MCM2: variants seen among roughly 807,000 people sequenced by gnomAD.
MCM2 encodes the protein DNA replication licensing factor MCM2.
A neutral mutation model predicts 86.4 loss-of-function variants in MCM2; 49 were observed. The ratio of observed to expected loss-of-function variants is 0.57; its 90% CI spans 0.45 to 0.72. MCM2 has a LOEUF of 0.72. MCM2 is among the 30% of genes least tolerant of loss of function. The pLI is 0.00. For synonymous variants in MCM2, 475 were observed against 484.6 expected, an observed-to-expected ratio of 0.98 and a Z score of 0.26; for missense variants, 1,038 against 1,259.9, an observed-to-expected ratio of 0.82 and a Z score of 2.67.
rs2074446103 is a variant in MCM2 at position 127,617,960 on chromosome 3, G to C, written c.1901-9G>C. The C allele has an allele frequency of 6.2e-7, 1 of 1,609,966 alleles. No individual in the cohort carries two copies. Among genetic ancestry groups the C allele is most frequent in the African/African-American group, 1.3e-5 (1 of 74,954 alleles). ...TCCACCCTGATGGAGGTGCTCCCCT[G>C]TGTTTCAGGAGGGCGCTACGACCCC... On this transcript the variant is annotated splice_polypyrimidine_tract_variant and intron_variant, in intron 11 of 15. Coordinates refer to ENST00000265056, the MANE Select transcript of MCM2 (RefSeq NM_004526.4). The surrounding 1 kb of genome is among the most constrained non-coding windows in gnomAD (Gnocchi z 4.1).
intron 8 of MCM2, among the ~76,000 whole-genome samples, chr3:127,614,770 A>G (rs764577968): frequency 6.6e-6 from 1 of 152,188 alleles, no homozygotes; most frequent in Non-Finnish European, 1.5e-5. Flanking sequence ...TGTCATCCCT[A>G]CAATGCTCAA....
rs760296226 is a variant in MCM2 at position 127,599,477 on chromosome 3, C to T, written c.166C>T (p.Leu56Phe). 1 of 1,614,192 alleles carries T rather than the reference C, an allele frequency of 6.2e-7. No homozygotes were observed. Among genetic ancestry groups the T allele is most frequent in the South Asian group, 1.1e-5 (1 of 91,088 alleles). ...LPPFEDESEG[L>F]LGTEGPLEEE... ...ACCATTTGAGGATGAGTCCGAGGGG[C>T]TCCTAGGCACAGAGGGGCCCCTGGA... Residue 56 changes from leucine (L) to phenylalanine (F), a missense_variant, in exon 2 of 16, where the codon CTC becomes TTC. Physicochemically the swap from Leu to Phe is conservative, Grantham distance 22. Transcript: ENST00000265056.
intron 8 of MCM2, among the ~76,000 whole-genome samples, chr3:127,613,709 G>A (rs1178467842): frequency 6.6e-6 from 1 of 152,242 alleles, no homozygotes; most frequent in Admixed American, 6.5e-5. Flanking sequence ...AAACAGGTAT[G>A]TAGAATGGTG....
intron 2 of MCM2, among the ~76,000 whole-genome samples, chr3:127,603,320 TTTTG>T (rs968445399): frequency 5.9e-5 from 9 of 151,412 alleles, no homozygotes; most frequent in African/African-American, 1.9e-4. Flanking sequence ...TCTTAACCTT[TTTTG>T]TTTGTTTGTT....
At position 127,599,423 on chromosome 3, in the gene MCM2, CT is replaced by C. The variant is rs1559859642; in HGVS notation, c.113del (p.Leu38ProfsTer20). The C allele has an allele frequency of 6.2e-7, 1 of 1,614,176 alleles. No individual in the cohort carries two copies. Among genetic ancestry groups the C allele is most frequent in the Admixed American group, 1.7e-5 (1 of 60,026 alleles). ...CCGAAGCTCCCGGCGTACTGATGCC[CT>C]CACCTCCAGCCCTGGCCGTGACCTT... is the stretch of plus-strand genomic sequence containing the variant. The part of the protein sequence containing the change: ...PGRSSRRTDA[L>X]TSSPGRDLPP... On this transcript the variant is annotated frameshift_variant, in exon 2 of 16. Coordinates refer to ENST00000265056, the MANE Select transcript of MCM2 (RefSeq NM_004526.4). LOFTEE classifies it high-confidence loss of function.
At position 127,618,118 on chromosome 3, in the gene MCM2, G is replaced by A. The variant is rs774499332; in HGVS notation, c.2013+37G>A. Reference sequence around the variant, plus strand: ...ATGTGCCCGGTTTCCATGAACTGTGGTTTGGGGACCTCAGGTGAGGCTTGG... The same window carrying A: ...ATGTGCCCGGTTTCCATGAACTGTGATTTGGGGACCTCAGGTGAGGCTTGG... On this transcript the variant is annotated intron_variant, in intron 12 of 15. Coordinates refer to ENST00000265056, the MANE Select transcript of MCM2 (RefSeq NM_004526.4). The surrounding 1 kb of genome is among the most constrained non-coding windows in gnomAD (Gnocchi z 4.0). The A allele has an allele frequency of 5.8e-6, 9 of 1,563,124 alleles. No individual in the cohort carries two copies. In the Admixed American group the frequency reaches 1.5e-4, roughly 26 times the overall value.
At position 127,599,551 on chromosome 3, in the gene MCM2, A is replaced by G. The variant is rs2074291315; in HGVS notation, c.236+4A>G. 7 of 1,611,040 alleles carry G rather than the reference A, an allele frequency of 4.3e-6. No individual in the cohort carries two copies. In the South Asian group the frequency reaches 6.6e-5, roughly 15 times the overall value. On this transcript the variant is annotated splice_donor_region_variant and intron_variant, in intron 2 of 15. Coordinates refer to ENST00000265056, the MANE Select transcript of MCM2 (RefSeq NM_004526.4). Reference sequence around the variant, plus strand: ...TCATTGGAGATGGCATGGAAAGGTAATTTCATTCAAGGCCCTGGACTCAGC... The same window carrying G: ...TCATTGGAGATGGCATGGAAAGGTAGTTTCATTCAAGGCCCTGGACTCAGC...
rs1423389722 is a variant in MCM2 at position 127,621,956 on chromosome 3, C to T, written c.*183C>T. ...GTTTCTCCAAGCCTGCTTTGTGCTTCTCACCTTTGGGTGGGATGCCTTGCC... is the reference window on the plus strand; with the variant it reads ...GTTTCTCCAAGCCTGCTTTGTGCTTTTCACCTTTGGGTGGGATGCCTTGCC... On this transcript the variant is annotated 3_prime_UTR_variant, in exon 16 of 16. Coordinates refer to ENST00000265056, the MANE Select transcript of MCM2 (RefSeq NM_004526.4). The T allele has an allele frequency of 7.1e-6, 4 of 560,680 alleles. No homozygotes were observed. The highest frequency in any genetic ancestry group is 1.9e-5 in the African/African-American group (1 of 52,572). The allele number at this position is 560,680 out of a possible 1,614,324, so 34.7% of individuals were successfully genotyped here.
chr3:127,615,983 G>T (rs1186478256), intron 9 of MCM2, 28 bp downstream of exon 9: 1 of 1,551,694 alleles, frequency 6.4e-7, no homozygotes, highest in Non-Finnish European at 8.9e-7. Context: ...CTCTGCAGGG[G>T]TGTTAGCAGC....
At chr3:127,616,769 C>A in intron 9 of MCM2, 99 bp from the exon 10 acceptor site, 1 of 1,364,146 alleles carries the variant, frequency 7.3e-7, no homozygotes, top group Non-Finnish European at 1.0e-6. Context: ...CCTTACCATT[C>A]CTAACAAGTA....
intron 8 of MCM2, among the ~76,000 whole-genome samples, chr3:127,611,143 C>T (rs1559864502): frequency 6.6e-6 from 1 of 152,236 alleles, no homozygotes; most frequent in Admixed American, 6.5e-5. Flanking sequence ...CTACCCTCAC[C>T]ACCTGCAGAG....
chr3:127,620,964 G>A lies in MCM2; in HGVS notation c.2448+84G>A, dbSNP rs553661741. ...GGGTATCCAGGGCTCTGGCCTGGAC[G>A]TGCACCCAGGAGCGGCAGCCTGTCT... On this transcript the variant is annotated intron_variant, in intron 14 of 15. Coordinates refer to ENST00000265056, the MANE Select transcript of MCM2 (RefSeq NM_004526.4). 441 of 1,570,086 alleles carry A rather than the reference G, an allele frequency of 2.8e-4. 1 individual carries two copies. Among genetic ancestry groups the A allele is most frequent in the Non-Finnish European group, 3.0e-4 (347 of 1,154,500 alleles).
chr3:127,621,906 C>A lies in MCM2; in HGVS notation c.*133C>A, dbSNP rs2074481429. On this transcript the variant is annotated 3_prime_UTR_variant, in exon 16 of 16. Transcript: ENST00000265056. ...AGGGTCAGGGCTTATAGCAGGATGT[C>A]TGGCTGCACCTGGCATGACTGTTTG... 14 of 604,006 alleles carry A rather than the reference C, an allele frequency of 2.3e-5. No individual in the cohort carries two copies. In the East Asian group the frequency reaches 4.0e-4, roughly 17 times the overall value. 37.4% of individuals were successfully genotyped at this position (604,006 alleles called of 1,614,324 possible).
chr3:127,608,735 T>C, intron 7 of MCM2, 97 bp from the exon 8 acceptor site: 2 of 1,308,888 alleles, frequency 1.5e-6, no homozygotes, highest in Non-Finnish European at 2.2e-6. Context: ...GTGTCTGTAG[T>C]GTGGAGCACT....
At chr3:127,616,407 T>C (rs2074432295) in intron 9 of MCM2, among the ~76,000 whole-genome samples, 2 of 151,914 alleles carry the variant, frequency 1.3e-5, no homozygotes, top group Non-Finnish European at 2.9e-5. Flanking sequence ...AACCACAGGG[T>C]TTCATGACTA....
intron 2 of MCM2, among the ~76,000 whole-genome samples, chr3:127,601,525 A>G (rs1055481307): frequency 5.9e-5 from 9 of 151,888 alleles, no homozygotes; most frequent in African/African-American, 2.2e-4. Flanking sequence ...CACACCGGCT[A>G]ATTTTTCTAT....
intron 2 of MCM2, among the ~76,000 whole-genome samples, chr3:127,600,657 C>G (rs532276606): frequency 5.7e-4 from 87 of 152,238 alleles, no homozygotes; most frequent in Admixed American, 2.7e-3. Flanking sequence ...TAAATCTGCC[C>G]TGGACTTGGG....
rs2074372786 is a variant in MCM2 at position 127,608,996 on chromosome 3, C to T, written c.1401C>T (p.Leu467=). ...AAGATGTGAAGATGATCACTAGCCT[C>T]TCCAAGGATCAGCAGATCGGAGAGA... ...TDEDVKMITS[L]SKDQQIGEKI... The change falls in exon 8 of 16, where the codon CTC becomes CTT. Residue 467 remains leucine, a synonymous_variant. Transcript: ENST00000265056. 5 of 1,614,160 alleles carry T rather than the reference C, an allele frequency of 3.1e-6. No homozygotes were observed. Among genetic ancestry groups the T allele is most frequent in the Non-Finnish European group, 4.2e-6 (5 of 1,180,048 alleles).
Position 127,598,426 on chromosome 3 carries a change from C to T in MCM2, c.-41C>T. 2.5e-6 allele frequency: 4 copies of T among 1,613,412 alleles called. No homozygotes were observed. Among genetic ancestry groups the T allele is most frequent in the Non-Finnish European group, 3.4e-6 (4 of 1,179,522 alleles). ...ACGTGAACCACTTTTCGCGCGAAACCTGGTTGTTGCTGTAGTGGCGGAGAG... is the reference window on the plus strand; with the variant it reads ...ACGTGAACCACTTTTCGCGCGAAACTTGGTTGTTGCTGTAGTGGCGGAGAG... On this transcript the variant is annotated 5_prime_UTR_variant, in exon 1 of 16. Coordinates refer to ENST00000265056, the MANE Select transcript of MCM2 (RefSeq NM_004526.4).
Sources: allele counts gnomAD v4.1 joint callset (sites outside exome capture counted in the v4.1 genomes callset), GRCh38; gene constraint gnomAD v4.1.1; non-coding constraint Gnocchi (gnomAD v3.1); transcripts MANE v1.5; gene names NCBI Gene and HGNC (gene_info 2026-07-23, HGNC 2026-07-21).